SLCO2A1: variants seen among roughly 807,000 people sequenced by gnomAD.
The protein encoded by SLCO2A1 is solute carrier organic anion transporter family member 2A1.
A neutral mutation model predicts 71.7 loss-of-function variants in SLCO2A1; 60 were observed. The ratio of observed to expected loss-of-function variants is 0.84; its 90% CI spans 0.68 to 1.04. The LOEUF (loss-of-function observed/expected upper bound fraction) is 1.04, where lower values mean the gene tolerates loss of function less well. Ranked by LOEUF, SLCO2A1 falls within the 50% of genes least tolerant of loss-of-function variation. SLCO2A1 has a pLI of 0.00. For missense variants in SLCO2A1, 745 were observed against 813.4 expected (o/e 0.92, Z 1.02); for synonymous variants, 308 against 326.7 (o/e 0.94, Z 0.62).
intron 1 of SLCO2A1, among the ~76,000 whole-genome samples, chr3:134,019,335 C>A (rs1935522961): frequency 6.6e-6 from 1 of 152,146 alleles, no homozygotes; most frequent in African/African-American, 2.4e-5. Flanking sequence ...TAAAGTACTT[C>A]CATAGTTCCT....
At chr3:134,010,947 T>C (rs1935327190) in intron 1 of SLCO2A1, among the ~76,000 whole-genome samples, 1 of 152,156 alleles carries the variant, frequency 6.6e-6, no homozygotes, top group Non-Finnish European at 1.5e-5. Flanking sequence ...TTCTAAATAT[T>C]TGTGATTTTA....
intron 1 of SLCO2A1, among the ~76,000 whole-genome samples, chr3:134,025,146 A>G (rs1010502071): frequency 2.0e-5 from 3 of 152,140 alleles, no homozygotes; most frequent in Non-Finnish European, 4.4e-5. Context: ...TAAAATTTGC[A>G]TTTTTACAAT....
intron 9 of SLCO2A1, among the ~76,000 whole-genome samples, chr3:133,946,538 T>C (rs1331453282): frequency 6.6e-6 from 1 of 152,150 alleles, no homozygotes; most frequent in African/African-American, 2.4e-5. Flanking sequence ...TCATTATTCT[T>C]CTCCAGATCT....
intron 1 of SLCO2A1, among the ~76,000 whole-genome samples, chr3:134,011,840 C>T (rs1935352229): frequency 1.3e-5 from 2 of 152,198 alleles, no homozygotes; most frequent in South Asian, 4.1e-4. Context: ...TCCATGAAAG[C>T]TTCCAAAGTT....
At chr3:133,981,790 C>T (rs551818529) in intron 1 of SLCO2A1, among the ~76,000 whole-genome samples, 21 of 152,094 alleles carry the variant, frequency 1.4e-4, no homozygotes, top group Non-Finnish European at 2.9e-4. Context: ...GCCTGACCAA[C>T]GTGGTGAAAC....
intron 1 of SLCO2A1, among the ~76,000 whole-genome samples, chr3:134,003,818 A>G (rs1488442849): frequency 6.6e-6 from 1 of 152,176 alleles, no homozygotes; most frequent in African/African-American, 2.4e-5. Context: ...TAAAATACAT[A>G]ATCAGTTGAC....
At chr3:133,976,896 T>G (rs533807053) in intron 2 of SLCO2A1, among the ~76,000 whole-genome samples, 1 of 152,272 alleles carries the variant, frequency 6.6e-6, no homozygotes, top group African/African-American at 2.4e-5. Flanking sequence ...CTTAACTAAG[T>G]TCCTCCTGCT....
intron 3 of SLCO2A1, among the ~76,000 whole-genome samples, chr3:133,961,171 G>A (rs964099671): frequency 1.3e-5 from 2 of 152,136 alleles, no homozygotes; most frequent in African/African-American, 4.8e-5. Context: ...CCTGTCAACT[G>A]AGACGGGTAA....
intron 11 of SLCO2A1, 168 bp downstream of exon 11, chr3:133,942,437 A>G (rs773382842): frequency 1.3e-5 from 9 of 699,402 alleles, no homozygotes; most frequent in Non-Finnish European, 1.9e-5. Flanking sequence ...CACTGTTGCC[A>G]TTAGTATTAT....
chr3:134,018,791 C>T (rs934835812), intron 1 of SLCO2A1, among the ~76,000 whole-genome samples: 11 of 144,100 alleles, frequency 7.6e-5, no homozygotes, highest in African/African-American at 2.6e-4. Flanking sequence ...CTAAATGAAC[C>T]TGTTTAATTT....
intron 10 of SLCO2A1, among the ~76,000 whole-genome samples, chr3:133,944,022 G>T (rs1933500670): frequency 6.6e-6 from 1 of 152,214 alleles, no homozygotes; most frequent in South Asian, 2.1e-4. Context: ...CCTGCTCCCT[G>T]GCCAGCTGGG....
intron 12 of SLCO2A1, among the ~76,000 whole-genome samples, chr3:133,936,951 G>A (rs943225897): frequency 2.0e-5 from 3 of 152,098 alleles, no homozygotes; most frequent in African/African-American, 7.2e-5. Flanking sequence ...CCTGTAATAG[G>A]AAGTCCTTTT....
chr3:133,947,291 G>C lies in SLCO2A1; in HGVS notation c.1260C>G (p.Cys420Trp). ...AGACTTCGGCCACAGTTGGGGTGGAGCATCCCATGAAGAACAAAGGAACAC... is the reference window on the plus strand; with the variant it reads ...AGACTTCGGCCACAGTTGGGGTGGACCATCCCATGAAGAACAAAGGAACAC... ...ILCVPLFFMG[C>W]STPTVAEVYP... The change falls in exon 9 of 14, where the codon TGC (cysteine) becomes TGG (tryptophan). Residue 420 changes from cysteine (C) to tryptophan (W), a missense_variant. By Grantham distance (215) the Cys-to-Trp change is radical (BLOSUM62 -2). Transcript: ENST00000310926. 1.2e-6 allele frequency: 2 copies of C among 1,614,200 alleles called. No homozygotes were observed. Among genetic ancestry groups the C allele is most frequent in the Non-Finnish European group, 1.7e-6 (2 of 1,180,036 alleles).
At chr3:133,951,419 A>G in intron 5 of SLCO2A1, 75 bp from the exon 6 acceptor site, 1 of 1,556,716 alleles carries the variant, frequency 6.4e-7, no homozygotes. Flanking sequence ...ACCTCTGATC[A>G]GGGGGAGTTT....
chr3:134,007,242 CAG>C (rs1318453848), intron 1 of SLCO2A1, among the ~76,000 whole-genome samples: 1 of 152,236 alleles, frequency 6.6e-6, no homozygotes, highest in African/African-American at 2.4e-5. Flanking sequence ...ATATGATTTG[CAG>C]ACATTTTCTC....
chr3:133,994,502 G>C (rs752190129), intron 1 of SLCO2A1, among the ~76,000 whole-genome samples: 14 of 152,310 alleles, frequency 9.2e-5, no homozygotes, highest in Non-Finnish European at 1.5e-4. Flanking sequence ...TGCTGTCCCT[G>C]TGTTCTAGCT....
chr3:134,000,199 A>G (rs1302583697), intron 1 of SLCO2A1, among the ~76,000 whole-genome samples: 1 of 152,164 alleles, frequency 6.6e-6, no homozygotes, highest in Non-Finnish European at 1.5e-5. Flanking sequence ...GGACGAGTGC[A>G]GGGAGGCAGC....
At chr3:133,997,863 G>A (rs1935004148) in intron 1 of SLCO2A1, among the ~76,000 whole-genome samples, 1 of 152,232 alleles carries the variant, frequency 6.6e-6, no homozygotes, top group African/African-American at 2.4e-5. Flanking sequence ...ACTGTAAAAT[G>A]ACGGGCAAGT....
Position 133,955,032 on chromosome 3 carries a change from T to C in SLCO2A1, c.559A>G (p.Ile187Val), listed in dbSNP as rs1441230280. Reference protein sequence around the residue: ...QLLAGIGTVPIQPFGISYVDD... With the variant: ...QLLAGIGTVPVQPFGISYVDD... ...ACATAGGAGATCCCAAATGGCTGAA[T>C]AGGCACTGTCCCGATGCCAGCCAGC... Residue 187 changes from isoleucine (I) to valine (V), a missense_variant, in exon 4 of 14, where the codon ATT becomes GTT. Coordinates refer to ENST00000310926, the MANE Select transcript of SLCO2A1 (RefSeq NM_005630.3). 6.2e-7 allele frequency: 1 copy of C among 1,614,182 alleles called. No individual in the cohort carries two copies. The highest frequency in any genetic ancestry group is 2.2e-5 in the East Asian group (1 of 44,880).
Sources: gnomAD v4.1 joint callset for allele counts (sites outside exome capture counted in the v4.1 genomes callset) on GRCh38, gnomAD v4.1.1 for gene constraint, MANE v1.5 for transcripts, NCBI Gene and HGNC (gene_info 2026-07-23, HGNC 2026-07-21) for gene names.